The following GNG7 variants were observed in gnomAD, a reference collection of about 807,000 sequenced individuals.
GNG7 encodes the protein G protein subunit gamma 7, also known as guanine nucleotide-binding protein G(I)/G(S)/G(O) subunit gamma-7.
GNG7 carries 1 observed loss-of-function variant against 4.0 expected under a neutral mutation model. The ratio of observed to expected loss-of-function variants is 0.25; its 90% CI spans 0.09 to 1.18. The LOEUF is 1.18. Among genes scored for constraint, GNG7 ranks in the 50% most tolerant of loss-of-function variants. The pLI is 0.50. For missense variants in GNG7, 86 were observed against 91.9 expected (o/e 0.94, Z 0.26); for synonymous variants, 34 against 36.9 (o/e 0.92, Z 0.29).
chr19:2,548,178 AC>A (rs1451116351), intron 3 of GNG7, among the ~76,000 whole-genome samples: 14 of 151,868 alleles, frequency 9.2e-5, no homozygotes, highest in Non-Finnish European at 4.4e-5. Flanking sequence ...ACAATGGAAA[AC>A]AAAAATCAAA....
intron 2 of GNG7, among the ~76,000 whole-genome samples, chr19:2,589,658 G>A (rs1045452758): frequency 1.3e-5 from 2 of 152,074 alleles, no homozygotes; most frequent in African/African-American, 4.8e-5. Context: ...ATGATGCCTT[G>A]ATTTAGCTCT....
intron 3 of GNG7, among the ~76,000 whole-genome samples, chr19:2,543,185 C>A (rs141836143): frequency 1.1e-3 from 160 of 149,144 alleles, no homozygotes; most frequent in African/African-American, 3.5e-3. Flanking sequence ...TCCCAAAGTC[C>A]TGGGATTCCA....
intron 2 of GNG7, among the ~76,000 whole-genome samples, chr19:2,605,197 T>G (rs945369951): frequency 1.1e-4 from 17 of 151,812 alleles, no homozygotes; most frequent in African/African-American, 4.1e-4. Flanking sequence ...CTCACTGTTG[T>G]TTTTTTTGTT....
At chr19:2,681,604 C>T (rs1463966637) in intron 1 of GNG7, among the ~76,000 whole-genome samples, 1 of 152,140 alleles carries the variant, frequency 6.6e-6, no homozygotes. Context: ...TGGACATACG[C>T]TTTCACTTCC....
rs2144718009 is a variant in GNG7, at chr19:2,511,489, T to C, written c.*3533A>G. ...AGGCGCGGCTGGCCGGCATATGGCTTCTGTGCAGAGGGCCTGGCCTCAGGC... is the reference window on the plus strand; with the variant it reads ...AGGCGCGGCTGGCCGGCATATGGCTCCTGTGCAGAGGGCCTGGCCTCAGGC... On this transcript the variant is annotated 3_prime_UTR_variant, in exon 5 of 5. Transcript: ENST00000382159. The surrounding 1 kb of genome is among the most constrained non-coding windows in gnomAD (Gnocchi z 6.3). 1 of 152,462 alleles carries C rather than the reference T, an allele frequency of 6.6e-6. No individual in the cohort carries two copies. The allele number at this position is 152,462 out of a possible 1,614,324, so 9.4% of individuals were successfully genotyped here.
At chr19:2,555,830 G>A (rs905419452) in intron 2 of GNG7, among the ~76,000 whole-genome samples, 1 of 152,122 alleles carries the variant, frequency 6.6e-6, no homozygotes, top group Non-Finnish European at 1.5e-5. Context: ...TCCATGGAAC[G>A]GAATCCTCTG....
Position 2,609,264 on chromosome 19 carries a change from A to T in GNG7, c.-78+36960T>A, listed in dbSNP as rs1319555976. ...CTGGTCTTGAACTCCTAGCCTCATG[A>T]TCCTCCCACCTCAGTGTCCTGTGGA... On this transcript the variant is annotated intron_variant, in intron 2 of 4. Coordinates refer to ENST00000382159, the MANE Select transcript of GNG7 (RefSeq NM_052847.3). This position sits in a 1 kb window ranked among gnomAD's most constrained non-coding sequence, Gnocchi z 4.4. 6.6e-6 allele frequency among the ~76,000 whole-genome samples: 1 copy of T among 151,988 alleles called. No individual in the cohort carries two copies. The highest frequency in any genetic ancestry group is 1.5e-5 in the Non-Finnish European group (1 of 67,980).
chr19:2,543,844 T>C (rs1322086263), intron 3 of GNG7, among the ~76,000 whole-genome samples: 1 of 152,000 alleles, frequency 6.6e-6, no homozygotes, highest in Non-Finnish European at 1.5e-5. Flanking sequence ...AAGGTGGCCT[T>C]GAAGGCGGGA....
At chr19:2,679,371 A>G (rs1873864557) in intron 1 of GNG7, among the ~76,000 whole-genome samples, 1 of 152,146 alleles carries the variant, frequency 6.6e-6, no homozygotes, top group Non-Finnish European at 1.5e-5. Flanking sequence ...TTTATACATA[A>G]TATATTGAAT....
chr19:2,649,673 C>A (rs1439425748), intron 1 of GNG7, among the ~76,000 whole-genome samples: 1 of 152,170 alleles, frequency 6.6e-6, no homozygotes, highest in East Asian at 1.9e-4. Flanking sequence ...CAGGCGTGAG[C>A]CACCGCGCCC....
chr19:2,527,927 A>G (rs1978462392), intron 3 of GNG7, among the ~76,000 whole-genome samples: 1 of 152,200 alleles, frequency 6.6e-6, no homozygotes, highest in African/African-American at 2.4e-5. Context: ...GGCAAAACGC[A>G]AAGAGTTTGA....
chr19:2,635,685 T>C (rs1283055377), intron 2 of GNG7, among the ~76,000 whole-genome samples: 1 of 151,380 alleles, frequency 6.6e-6, no homozygotes, highest in Admixed American at 6.6e-5. Context: ...CAGGTTCAAT[T>C]GATTCTCCTG....
chr19:2,529,540 A>C (rs1270203940), intron 3 of GNG7, among the ~76,000 whole-genome samples: 1 of 152,262 alleles, frequency 6.6e-6, no homozygotes, highest in Middle Eastern at 3.4e-3. Context: ...GTTGAACTTA[A>C]AGCATGAGCT....
chr19:2,664,722 G>A (rs183489085), intron 1 of GNG7, among the ~76,000 whole-genome samples: 2 of 151,644 alleles, frequency 1.3e-5, no homozygotes, highest in East Asian at 3.9e-4. Context: ...ACTGTGAGCA[G>A]GGAGCAAACT....
At chr19:2,574,666 A>T (rs1980252800) in intron 2 of GNG7, among the ~76,000 whole-genome samples, 1 of 152,094 alleles carries the variant, frequency 6.6e-6, no homozygotes, top group Non-Finnish European at 1.5e-5. Context: ...GCTGTTGGGA[A>T]TCATGCCGCT....
At chr19:2,699,276 G>A (rs978773689) in intron 1 of GNG7, among the ~76,000 whole-genome samples, 1 of 151,358 alleles carries the variant, frequency 6.6e-6, no homozygotes, top group Non-Finnish European at 1.5e-5. Context: ...AGCCCCCCAA[G>A]TAGCTGGGAT....
chr19:2,563,984 G>A (rs1315343237), intron 2 of GNG7, among the ~76,000 whole-genome samples: 1 of 152,182 alleles, frequency 6.6e-6, no homozygotes, highest in Non-Finnish European at 1.5e-5. Context: ...GGTGTTGGGT[G>A]GGGTGGGAGA....
chr19:2,686,261 G>A lies in GNG7; in HGVS notation c.-135+16385C>T, dbSNP rs141894328. 9.9e-3 allele frequency among the ~76,000 whole-genome samples: 1,498 copies of A among 151,932 alleles called. 60 individuals are homozygous for A. The highest frequency in any genetic ancestry group is 0.075 in the Admixed American group (1,136 of 15,236). On this transcript the variant is annotated intron_variant, in intron 1 of 4. Coordinates refer to ENST00000382159, the MANE Select transcript of GNG7 (RefSeq NM_052847.3). ...CAACCTCCGCCACCCGCGTTCAAGC[G>A]ATTCTCCTGCCTCAGCCTCCCGAGT...
At chr19:2,599,710 G>A (rs1201834178) in intron 2 of GNG7, among the ~76,000 whole-genome samples, 1 of 152,202 alleles carries the variant, frequency 6.6e-6, no homozygotes, top group African/African-American at 2.4e-5. Flanking sequence ...ACCGAGGCAG[G>A]CGGATCACCT....
Sources: allele counts gnomAD v4.1 joint callset (sites outside exome capture counted in the v4.1 genomes callset), GRCh38; gene constraint gnomAD v4.1.1; non-coding constraint Gnocchi (gnomAD v3.1); transcripts MANE v1.5; gene names NCBI Gene and HGNC (gene_info 2026-07-23, HGNC 2026-07-21).